The following KIF3B variants were observed in gnomAD, a reference collection of about 807,000 sequenced individuals.
KIF3B encodes kinesin-like protein KIF3B.
In KIF3B, 38 loss-of-function variants were observed where a neutral mutation model predicts 74.3. That is an observed-to-expected ratio of 0.51 (90% confidence interval 0.39 to 0.67). The LOEUF (loss-of-function observed/expected upper bound fraction) is 0.67. KIF3B is among the 30% of genes least tolerant of loss of function. The pLI is 0.00. For synonymous variants in KIF3B, 326 were observed against 342.5 expected (o/e 0.95, Z 0.53); for missense variants, 649 against 932.0 (o/e 0.70, Z 3.95).
At chr20:32,281,391 G>A (rs2047642285) in intron 1 of KIF3B, among the ~76,000 whole-genome samples, 1 of 152,204 alleles carries the variant, frequency 6.6e-6, no homozygotes, top group South Asian at 2.1e-4. Flanking sequence ...CACCTAGAAT[G>A]TGTCAGTTCT....
At chr20:32,293,578 C>G (rs575523026) in intron 1 of KIF3B, among the ~76,000 whole-genome samples, 2 of 152,118 alleles carry the variant, frequency 1.3e-5, no homozygotes, top group South Asian at 2.1e-4. Flanking sequence ...CCACTGCACT[C>G]CAGCCTGGAG....
At chr20:32,312,619 G>A (rs1429808728) in intron 2 of KIF3B, among the ~76,000 whole-genome samples, 3 of 152,034 alleles carry the variant, frequency 2.0e-5, no homozygotes, top group Admixed American at 6.6e-5. Flanking sequence ...GCAACATTAC[G>A]TTCATGAGAT....
chr20:32,321,748 C>G (rs1488697483), intron 5 of KIF3B, among the ~76,000 whole-genome samples: 1 of 152,248 alleles, frequency 6.6e-6, no homozygotes, highest in Non-Finnish European at 1.5e-5. Context: ...CTGCATAAAG[C>G]AAGTCTGTTG....
At chr20:32,279,482 T>TTTA in intron 1 of KIF3B, among the ~76,000 whole-genome samples, 1 of 151,664 alleles carries the variant, frequency 6.6e-6, no homozygotes, top group African/African-American at 2.4e-5. Flanking sequence ...TTTTTTTTTT[T>TTTA]GAGACGGAGT....
chr20:32,291,911 C>T (rs962143258), intron 1 of KIF3B, among the ~76,000 whole-genome samples: 3 of 151,384 alleles, frequency 2.0e-5, no homozygotes, highest in Non-Finnish European at 2.9e-5. Flanking sequence ...GCCACCGCGC[C>T]TCGCCTCATT....
intron 2 of KIF3B, among the ~76,000 whole-genome samples, chr20:32,313,395 A>G (rs1280671869): frequency 6.6e-6 from 1 of 152,214 alleles, no homozygotes; most frequent in Non-Finnish European, 1.5e-5. Context: ...TTTTAAAATT[A>G]CAAGTTATCT....
intron 5 of KIF3B, 52 bp from the exon 6 acceptor site, chr20:32,326,719 C>G (rs2047905295): frequency 2.7e-6 from 2 of 754,396 alleles, no homozygotes; most frequent in Admixed American, 4.6e-5. Flanking sequence ...AGATAGCTGA[C>G]ACTTCATATG....
chr20:32,323,463 G>A (rs1432493203), intron 5 of KIF3B, among the ~76,000 whole-genome samples: 2 of 151,758 alleles, frequency 1.3e-5, no homozygotes, highest in Non-Finnish European at 2.9e-5. Flanking sequence ...GCAGTGGCGC[G>A]GTCTCGGCTC....
At chr20:32,289,177 A>G (rs1442344409) in intron 1 of KIF3B, among the ~76,000 whole-genome samples, 1 of 142,088 alleles carries the variant, frequency 7.0e-6, no homozygotes, top group Non-Finnish European at 1.5e-5. Context: ...AGAATACTGT[A>G]TTTGTTTGGT....
chr20:32,323,739 G>A (rs1233804388), intron 5 of KIF3B, among the ~76,000 whole-genome samples: 4 of 151,976 alleles, frequency 2.6e-5, no homozygotes, highest in Non-Finnish European at 5.9e-5. Flanking sequence ...TTAGCTGGGT[G>A]TGGTGGCGGG....
In KIF3B at chr20:32,309,712, G is replaced by C; in HGVS notation, c.-65-1G>C. The C allele has an allele frequency of 1.9e-6, 3 of 1,545,580 alleles. No homozygotes were observed. Among genetic ancestry groups the C allele is most frequent in the South Asian group, 2.5e-5 (2 of 79,322 alleles). Reference sequence around the variant, plus strand: ...CTTATTTACTTTTGCTTTTTCTCTAGGACCGTAGCATCCTGAGACATTTTG... The same window carrying C: ...CTTATTTACTTTTGCTTTTTCTCTACGACCGTAGCATCCTGAGACATTTTG... On this transcript the variant is annotated splice_acceptor_variant, in intron 1 of 8. Coordinates refer to ENST00000375712, the MANE Select transcript of KIF3B (RefSeq NM_004798.4). LOFTEE classifies it low-confidence loss of function (5UTR_SPLICE).
At chr20:32,284,374 G>A (rs2047658049) in intron 1 of KIF3B, among the ~76,000 whole-genome samples, 2 of 152,344 alleles carry the variant, frequency 1.3e-5, no homozygotes, top group South Asian at 4.1e-4. Context: ...GTGGTGTGGA[G>A]AGGTCACTTG....
chr20:32,292,474 A>C (rs562216456), intron 1 of KIF3B, among the ~76,000 whole-genome samples: 6 of 149,294 alleles, frequency 4.0e-5, no homozygotes, highest in African/African-American at 1.5e-4. Context: ...ATGGTGGCTC[A>C]TGCCTGTAAT....
At chr20:32,322,377 G>C (rs2047864422) in intron 5 of KIF3B, among the ~76,000 whole-genome samples, 1 of 151,114 alleles carries the variant, frequency 6.6e-6, no homozygotes, top group Non-Finnish European at 1.5e-5. Context: ...GAGAGGCCCA[G>C]GTGGACGGAT....
chr20:32,312,500 A>G (rs2047806286), intron 2 of KIF3B, among the ~76,000 whole-genome samples: 1 of 152,004 alleles, frequency 6.6e-6, no homozygotes, highest in African/African-American at 2.4e-5. Flanking sequence ...TTTTCCTTAT[A>G]GTTTTACTTT....
At chr20:32,322,742 TTATTTATATATATATTTATATA>T (rs1321019737) in intron 5 of KIF3B, among the ~76,000 whole-genome samples, 1,588 of 46,024 alleles carry the variant, frequency 0.035, 146 homozygotes, top group East Asian at 0.068. Flanking sequence ...TTATATATAT[TTATTTATATATATATTTATATA>T]TATTTATATA....
intron 1 of KIF3B, among the ~76,000 whole-genome samples, chr20:32,307,494 A>G (rs942870919): frequency 2.0e-5 from 3 of 152,136 alleles, no homozygotes; most frequent in Non-Finnish European, 4.4e-5. Flanking sequence ...ATCCTTATGT[A>G]TATGTCATTG....
intron 1 of KIF3B, among the ~76,000 whole-genome samples, chr20:32,298,093 G>A (rs1486621381): frequency 6.8e-6 from 1 of 146,578 alleles, no homozygotes; most frequent in African/African-American, 2.5e-5. Context: ...CTGGACAAGA[G>A]TAAAACTCCG....
intron 2 of KIF3B, among the ~76,000 whole-genome samples, chr20:32,316,001 A>T (rs919961869): frequency 6.6e-6 from 1 of 152,194 alleles, no homozygotes. Flanking sequence ...GTATCTGAAG[A>T]AACTGTATCT....
Sources: gnomAD v4.1 joint callset for allele counts (sites outside exome capture counted in the v4.1 genomes callset) on GRCh38, gnomAD v4.1.1 for gene constraint, MANE v1.5 for transcripts, NCBI Gene and HGNC (gene_info 2026-07-23, HGNC 2026-07-21) for gene names.